TRIM44: variants seen among roughly 807,000 people sequenced by gnomAD.
TRIM44 encodes the protein tripartite motif-containing protein 44.
A neutral mutation model predicts 37.4 loss-of-function variants in TRIM44; 13 were observed. The ratio of observed to expected loss-of-function variants is 0.35; its 90% CI spans 0.23 to 0.55. The LOEUF (loss-of-function observed/expected upper bound fraction) is 0.55. Ranked by LOEUF, TRIM44 falls within the 20% of genes least tolerant of loss-of-function variation. The pLI, the probability that TRIM44 is intolerant of heterozygous loss-of-function variation, is 0.89. For missense variants in TRIM44, 426 were observed against 437.2 expected (o/e 0.97, Z 0.23); for synonymous variants, 175 against 157.2 (o/e 1.11, Z -0.85).
At chr11:35,705,952 A>G (rs1259724118) in intron 2 of TRIM44, among the ~76,000 whole-genome samples, 1 of 148,978 alleles carries the variant, frequency 6.7e-6, no homozygotes, top group East Asian at 2.0e-4. Flanking sequence ...AAAAACCTTC[A>G]AAAAATTAAT....
At chr11:35,725,245 A>G (rs1163400307) in intron 2 of TRIM44, among the ~76,000 whole-genome samples, 2 of 152,226 alleles carry the variant, frequency 1.3e-5, no homozygotes, top group African/African-American at 4.8e-5. Flanking sequence ...AATTATCTAT[A>G]TACATATATG....
intron 4 of TRIM44, among the ~76,000 whole-genome samples, chr11:35,787,817 A>G (rs1453250110): frequency 6.6e-6 from 1 of 152,160 alleles, no homozygotes; most frequent in Non-Finnish European, 1.5e-5. Flanking sequence ...CCTGAACCTT[A>G]TGGGCATATC....
At chr11:35,773,582 A>G (rs1279281993) in intron 4 of TRIM44, among the ~76,000 whole-genome samples, 1 of 151,872 alleles carries the variant, frequency 6.6e-6, no homozygotes, top group African/African-American at 2.4e-5. Flanking sequence ...TTAACTCGTC[A>G]TTTACATTAG....
rs545323414 is a variant in TRIM44, at chr11:35,696,346, G to A, written c.747+11010G>A. ...TTTAGTACAGACGGGGTTTCACCAT[G>A]TTAGCCAGGATGGTCTCGATCTCCT... On this transcript the variant is annotated intron_variant, in intron 2 of 4. Transcript: ENST00000299413. 3.1e-4 allele frequency among the ~76,000 whole-genome samples: 47 copies of A among 151,440 alleles called. 1 individual carries two copies. The South Asian group carries it at 9.9e-3, about 32-fold the overall frequency.
intron 3 of TRIM44, among the ~76,000 whole-genome samples, chr11:35,726,683 TA>T (rs34279918): frequency 0.68 from 100,510 of 147,128 alleles, 34,799 homozygotes; most frequent in African/African-American, 0.85. Flanking sequence ...ATTGTAAGAT[TA>T]AAAAAAAAAA....
At chr11:35,682,199 G>A (rs1348024021) in intron 1 of TRIM44, among the ~76,000 whole-genome samples, 1 of 151,976 alleles carries the variant, frequency 6.6e-6, no homozygotes, top group African/African-American at 2.4e-5. Flanking sequence ...AAAATGTCCT[G>A]AGCTTGCTTC....
At chr11:35,789,266 A>G (rs1853170485) in intron 4 of TRIM44, among the ~76,000 whole-genome samples, 1 of 152,148 alleles carries the variant, frequency 6.6e-6, no homozygotes, top group African/African-American at 2.4e-5. Context: ...GCCATCTGAT[A>G]TATTTATTGT....
intron 3 of TRIM44, 63 bp downstream of exon 3, chr11:35,726,226 G>A: frequency 6.3e-7 from 1 of 1,588,602 alleles, no homozygotes; most frequent in Non-Finnish European, 8.6e-7. Flanking sequence ...TGCCATATTT[G>A]TTAGACCCCA....
At chr11:35,691,514 A>G (rs539426043) in intron 2 of TRIM44, among the ~76,000 whole-genome samples, 63 of 152,340 alleles carry the variant, frequency 4.1e-4, no homozygotes, top group Admixed American at 1.7e-3. Context: ...CCTACTGAAC[A>G]TCATAGCTTA....
At chr11:35,798,032 G>C (rs978676671) in intron 4 of TRIM44, among the ~76,000 whole-genome samples, 1 of 152,112 alleles carries the variant, frequency 6.6e-6, no homozygotes, top group Middle Eastern at 3.2e-3. Flanking sequence ...GGCACAGCAT[G>C]GTTTCATACA....
rs191191892 is a variant in TRIM44, at chr11:35,736,207, A to C, written c.1007+762A>C. ...AAGGCTGGGAAGTATCAGAATGGTCATCCAGGCCACTGCTATTCAAACTTT... is the reference window on the plus strand; with the variant it reads ...AAGGCTGGGAAGTATCAGAATGGTCCTCCAGGCCACTGCTATTCAAACTTT... On this transcript the variant is annotated intron_variant, in intron 4 of 4. Coordinates refer to ENST00000299413, the MANE Select transcript of TRIM44 (RefSeq NM_017583.6). Among the ~76,000 whole-genome samples the C allele has an allele frequency of 5.9e-5, 9 of 152,338 alleles. No individual in the cohort carries two copies. The East Asian group carries it at 1.7e-3, about 29-fold the overall frequency.
At chr11:35,679,567 A>G (rs1191012318) in intron 1 of TRIM44, among the ~76,000 whole-genome samples, 1 of 152,228 alleles carries the variant, frequency 6.6e-6, no homozygotes, top group African/African-American at 2.4e-5. Flanking sequence ...GGTAACTGGC[A>G]AACTTGAGAG....
Position 35,816,639 on chromosome 11 carries a change from AAAG to A in TRIM44, c.*10256_*10258del. Reference sequence around the variant, plus strand: ...GACCCTAGTGTTGCATCTTCACAAAAAAGAGCAATGTGCCGTCTTCTGTCTTTG... The same window carrying A: ...GACCCTAGTGTTGCATCTTCACAAAAAGCAATGTGCCGTCTTCTGTCTTTG... On this transcript the variant is annotated 3_prime_UTR_variant, in exon 5 of 5. Transcript: ENST00000299413. 6.6e-6 allele frequency: 1 copy of A among 152,336 alleles called. No individual in the cohort carries two copies. Among genetic ancestry groups the A allele is most frequent in the East Asian group, 1.9e-4 (1 of 5,190 alleles). 9.4% of individuals were successfully genotyped at this position (152,336 alleles called of 1,614,324 possible). A position where few individuals can be genotyped will look rare whatever the true frequency, so the allele number is the denominator to read the frequency against.
At chr11:35,738,059 C>G (rs1271068020) in intron 4 of TRIM44, among the ~76,000 whole-genome samples, 1 of 152,190 alleles carries the variant, frequency 6.6e-6, no homozygotes, top group South Asian at 2.1e-4. Flanking sequence ...CAGTCAGAGC[C>G]CTAGACTTAC....
At chr11:35,787,237 C>T (rs577823140) in intron 4 of TRIM44, among the ~76,000 whole-genome samples, 3 of 152,268 alleles carry the variant, frequency 2.0e-5, no homozygotes, top group South Asian at 2.1e-4. Context: ...ATTGCTGTCA[C>T]GCCTCCTTGC....
Position 35,797,488 on chromosome 11 carries a change from A to T in TRIM44, c.1008-8870A>T, listed in dbSNP as rs1379657611. Reference sequence around the variant, plus strand: ...GTGGGAATGGGAAAAAAGAGTAGCCATACCATAGAAAAACATGACAAGCAC... The same window carrying T: ...GTGGGAATGGGAAAAAAGAGTAGCCTTACCATAGAAAAACATGACAAGCAC... On this transcript the variant is annotated intron_variant, in intron 4 of 4. Coordinates refer to ENST00000299413, the MANE Select transcript of TRIM44 (RefSeq NM_017583.6). 2.0e-5 allele frequency among the ~76,000 whole-genome samples: 3 copies of T among 152,234 alleles called. No homozygotes were observed. The East Asian group carries it at 5.8e-4, about 29-fold the overall frequency.
At chr11:35,728,805 C>T (rs1025640134) in intron 3 of TRIM44, among the ~76,000 whole-genome samples, 3 of 152,282 alleles carry the variant, frequency 2.0e-5, no homozygotes, top group East Asian at 3.9e-4. Context: ...GTACCTACCA[C>T]CTAGATTCTC....
At chr11:35,702,393 G>A (rs1851800890) in intron 2 of TRIM44, among the ~76,000 whole-genome samples, 1 of 152,184 alleles carries the variant, frequency 6.6e-6, no homozygotes, top group Non-Finnish European at 1.5e-5. Flanking sequence ...GCACATCCCT[G>A]GACTGAGAGT....
intron 4 of TRIM44, among the ~76,000 whole-genome samples, chr11:35,739,897 G>A (rs757462272): frequency 2.0e-5 from 3 of 151,964 alleles, no homozygotes; most frequent in Non-Finnish European, 4.4e-5. Context: ...TCAGGAGATC[G>A]AGACCATCCT....
Sources: allele counts gnomAD v4.1 joint callset (sites outside exome capture counted in the v4.1 genomes callset), GRCh38; gene constraint gnomAD v4.1.1; transcripts MANE v1.5; gene names NCBI Gene and HGNC (gene_info 2026-07-23, HGNC 2026-07-21).